Variants in SNTG1 observed in about 807,000 individuals in gnomAD.
SNTG1 encodes gamma-1-syntrophin.
SNTG1 carries 39 observed loss-of-function variants against 74.7 expected under a neutral mutation model. That is an observed-to-expected ratio of 0.52 (90% CI 0.40 to 0.68). The LOEUF (loss-of-function observed/expected upper bound fraction) is 0.68. SNTG1 is among the 30% of genes least tolerant of loss of function. The pLI, the probability that SNTG1 is intolerant of heterozygous loss-of-function variation, is 0.00. For missense variants in SNTG1, 685 were observed against 609.5 expected (o/e 1.12, Z -1.30); for synonymous variants, 254 against 217.1 (o/e 1.17, Z -1.49).
rs113942118 is a variant in SNTG1 at position 50,091,467 on chromosome 8, T to C, written c.-102-81094T>C. ...TGATCTGCAACTCCCAATCCCTGGT[T>C]ATCATCATTCCACTACTCTGTTTTT... On this transcript the variant is annotated intron_variant, in intron 1 of 18. Transcript: ENST00000642720. Among the ~76,000 whole-genome samples, 11 of 152,242 alleles carry C rather than the reference T, an allele frequency of 7.2e-5. 1 individual carries two copies. Among genetic ancestry groups the C allele is most frequent in the African/African-American group, 2.4e-4 (10 of 41,540 alleles).
intron 1 of SNTG1, among the ~76,000 whole-genome samples, chr8:50,138,160 A>C (rs1264205254): frequency 6.6e-6 from 1 of 152,124 alleles, no homozygotes; most frequent in East Asian, 1.9e-4. Flanking sequence ...GGACTTTAAC[A>C]GTCTGGAATA....
intron 10 of SNTG1, among the ~76,000 whole-genome samples, chr8:50,533,920 AG>A (rs1312468430): frequency 1.3e-5 from 2 of 152,194 alleles, no homozygotes; most frequent in African/African-American, 4.8e-5. Flanking sequence ...ATTGGTGATT[AG>A]TCAGTCCTCA....
At chr8:49,964,614 T>C (rs1175176329) in intron 1 of SNTG1, among the ~76,000 whole-genome samples, 1 of 152,210 alleles carries the variant, frequency 6.6e-6, no homozygotes, top group African/African-American at 2.4e-5. Flanking sequence ...GGATTAGTCC[T>C]TCTTTCTTCC....
chr8:50,469,533 C>T (rs1414339092), intron 8 of SNTG1, among the ~76,000 whole-genome samples: 2 of 152,244 alleles, frequency 1.3e-5, no homozygotes, highest in South Asian at 2.1e-4. Flanking sequence ...CTAATTCCTT[C>T]ACCCTCTAAC....
intron 1 of SNTG1, among the ~76,000 whole-genome samples, chr8:50,029,539 T>A (rs1330334429): frequency 6.6e-6 from 1 of 152,110 alleles, no homozygotes; most frequent in Non-Finnish European, 1.5e-5. Flanking sequence ...ATCATTCTAT[T>A]CTTTATGTTC....
chr8:50,448,803 G>T (rs1445012743), intron 5 of SNTG1, among the ~76,000 whole-genome samples: 1 of 152,096 alleles, frequency 6.6e-6, no homozygotes, highest in Non-Finnish European at 1.5e-5. Flanking sequence ...GGGATGCCGA[G>T]GCAGTTGGAT....
chr8:50,257,129 C>T (rs989287741), intron 2 of SNTG1, among the ~76,000 whole-genome samples: 3 of 152,058 alleles, frequency 2.0e-5, no homozygotes, highest in South Asian at 2.1e-4. Flanking sequence ...CAAAACCCTT[C>T]GGCTTGTGCA....
intron 12 of SNTG1, among the ~76,000 whole-genome samples, chr8:50,578,697 T>G (rs1373677941): frequency 6.6e-6 from 1 of 152,204 alleles, no homozygotes; most frequent in Non-Finnish European, 1.5e-5. Context: ...TAAGGGGCTT[T>G]TCCCCATTTG....
At chr8:50,583,291 A>G (rs1045940553) in intron 12 of SNTG1, among the ~76,000 whole-genome samples, 2 of 151,060 alleles carry the variant, frequency 1.3e-5, no homozygotes, top group African/African-American at 4.9e-5. Flanking sequence ...AATCCTAGTG[A>G]CTTGGGAGGC....
intron 1 of SNTG1, among the ~76,000 whole-genome samples, chr8:50,015,701 C>G (rs1008072373): frequency 6.6e-6 from 1 of 152,068 alleles, no homozygotes; most frequent in African/African-American, 2.4e-5. Context: ...TCAAACACAT[C>G]TTTATTAATC....
At chr8:50,665,798 C>T (rs1442194891) in intron 15 of SNTG1, among the ~76,000 whole-genome samples, 2 of 151,946 alleles carry the variant, frequency 1.3e-5, no homozygotes, top group Non-Finnish European at 2.9e-5. Flanking sequence ...AAATAGGAAA[C>T]CATTAAGTCT....
intron 1 of SNTG1, among the ~76,000 whole-genome samples, chr8:49,945,062 TG>T (rs1328260074): frequency 6.6e-6 from 1 of 152,222 alleles, no homozygotes; most frequent in Non-Finnish European, 1.5e-5. Flanking sequence ...TATTTGGTAT[TG>T]TTTTCCATTA....
chr8:50,457,632 CTTTA>C (rs1205118024), intron 8 of SNTG1, among the ~76,000 whole-genome samples: 1 of 152,070 alleles, frequency 6.6e-6, no homozygotes, highest in East Asian at 1.9e-4. Context: ...TTGTTGGTAA[CTTTA>C]TTTAAGAATA....
chr8:50,332,890 T>C (rs1479292344), intron 2 of SNTG1, among the ~76,000 whole-genome samples: 1 of 152,216 alleles, frequency 6.6e-6, no homozygotes, highest in Non-Finnish European at 1.5e-5. Flanking sequence ...TCTTCTCAAG[T>C]ACAATTACTT....
At chr8:50,119,146 T>G (rs1320890897) in intron 1 of SNTG1, among the ~76,000 whole-genome samples, 2 of 141,486 alleles carry the variant, frequency 1.4e-5, no homozygotes, top group African/African-American at 5.1e-5. Flanking sequence ...CTGATTTTCT[T>G]TTTTCAGTGT....
At chr8:50,295,033 G>A (rs1036840175) in intron 2 of SNTG1, among the ~76,000 whole-genome samples, 3 of 152,142 alleles carry the variant, frequency 2.0e-5, no homozygotes, top group Admixed American at 6.5e-5. Flanking sequence ...ATATTCAACA[G>A]ACAAACCACT....
intron 1 of SNTG1, among the ~76,000 whole-genome samples, chr8:50,135,914 C>T (rs2081458750): frequency 6.6e-6 from 1 of 152,162 alleles, no homozygotes; most frequent in South Asian, 2.1e-4. Context: ...AACCTCCTCC[C>T]TCAAGTAGGT....
At chr8:50,466,226 G>A (rs1399063595) in intron 8 of SNTG1, among the ~76,000 whole-genome samples, 1 of 151,898 alleles carries the variant, frequency 6.6e-6, no homozygotes, top group East Asian at 1.9e-4. Context: ...TTTGTGAAAG[G>A]GGTAACACTT....
chr8:50,768,304 G>A (rs2095618803), intron 18 of SNTG1, among the ~76,000 whole-genome samples: 1 of 151,886 alleles, frequency 6.6e-6, no homozygotes, highest in Non-Finnish European at 1.5e-5. Context: ...GTGCCTTAAA[G>A]CACCTACCTT....
Sources: gnomAD v4.1 joint callset for allele counts (sites outside exome capture counted in the v4.1 genomes callset) on GRCh38, gnomAD v4.1.1 for gene constraint, MANE v1.5 for transcripts, NCBI Gene and HGNC (gene_info 2026-07-23, HGNC 2026-07-21) for gene names.